Variants in RHOBTB2 observed in about 807,000 individuals in gnomAD.
RHOBTB2 encodes Rho related BTB domain containing 2, also known as rho-related BTB domain-containing protein 2.
Under a neutral mutation model 66.5 loss-of-function variants are expected in RHOBTB2, and 39 were observed. That is an observed-to-expected ratio of 0.59 (90% confidence interval 0.45 to 0.77). The LOEUF is 0.77. RHOBTB2 is among the 30% of genes least tolerant of loss of function. The pLI is 0.00. For missense variants in RHOBTB2, 755 were observed against 999.1 expected, an observed-to-expected ratio of 0.76 and a Z score of 3.29; for synonymous variants, 390 against 395.0, an observed-to-expected ratio of 0.99 and a Z score of 0.15.
Position 23,007,380 on chromosome 8 carries a change from C to A in RHOBTB2, c.1135C>A (p.Leu379Ile), listed in dbSNP as rs753753840. 6 of 1,614,066 alleles carry A rather than the reference C, an allele frequency of 3.7e-6. No individual in the cohort carries two copies. Among genetic ancestry groups the A allele is most frequent in the Non-Finnish European group, 5.1e-6 (6 of 1,179,990 alleles). The stretch of plus-strand genomic sequence containing the variant: ...CTTACGGGGCAACGGAACAGGGTAC[C>A]TACCGGGCAGGGGTCGTGTGCTGTC... ...GILRGNGTGYLPGRGRVLSSW... is the reference protein window; with the variant it reads ...GILRGNGTGYIPGRGRVLSSW... The change falls in exon 5 of 10, where the codon CTA (leucine) becomes ATA (isoleucine). Residue 379 changes from leucine (L) to isoleucine (I), a missense_variant. Around this residue, in one of 7 missense-constraint regions of RHOBTB2, gnomAD observed 247 missense variants for 238.9 expected, o/e 1.03. Transcript: ENST00000251822.
At chr8:23,010,830 G>A (rs930646522) in intron 7 of RHOBTB2, 142 bp downstream of exon 7, 8 of 956,386 alleles carry the variant, frequency 8.4e-6, no homozygotes, top group Admixed American at 7.5e-5. Flanking sequence ...ATCTGTTGAC[G>A]GGCACAGAGT....
rs1811317184 is a variant in RHOBTB2, at chr8:23,017,228, C to A, written c.1967-24C>A. ...CTTGTCCCTCTGCCTCCTTTCTAAC[C>A]AAGCTGCCTGCTCTCTGCTCCAGAA... On this transcript the variant is annotated intron_variant, in intron 9 of 9. Transcript: ENST00000251822. This position sits in a 1 kb window ranked among gnomAD's most constrained non-coding sequence, Gnocchi z 5.3. The A allele has an allele frequency of 6.2e-7, 1 of 1,612,820 alleles. No homozygotes were observed. Among genetic ancestry groups the A allele is most frequent in the African/African-American group, 1.3e-5 (1 of 74,898 alleles).
At chr8:22,985,199 G>C (rs745873170), upstream of RHOBTB2, among the ~76,000 whole-genome samples, 19 of 152,198 alleles carry the variant, frequency 1.2e-4, no homozygotes, top group Non-Finnish European at 2.6e-4. Context: ...CAGGGGGCCA[G>C]TTGCAAAATG....
At chr8:22,965,505 A>G in the RHOBTB2 span, among the ~76,000 whole-genome samples, 2 of 152,230 alleles carry the variant, frequency 1.3e-5, no homozygotes, top group African/African-American at 4.8e-5. Flanking sequence ...TAAAGTTAGA[A>G]GACTCATACT....
intron 1 of RHOBTB2, among the ~76,000 whole-genome samples, chr8:23,003,473 T>C (rs1052439928): frequency 2.0e-5 from 3 of 152,234 alleles, no homozygotes; most frequent in Non-Finnish European, 2.9e-5. Context: ...TTAGTGAACA[T>C]CACCTAGGAG....
chr8:23,006,996 A>C lies in RHOBTB2; in HGVS notation c.751A>C (p.Ser251Arg). The C allele has an allele frequency of 6.2e-7, 1 of 1,609,122 alleles. No individual in the cohort carries two copies. The highest frequency in any genetic ancestry group is 8.5e-7 in the Non-Finnish European group (1 of 1,179,482). Residue 251 changes from serine (S) to arginine (R), a missense_variant, in exon 5 of 10, where the codon AGC (serine) becomes CGC (arginine). Transcript: ENST00000251822. This position sits in a 1 kb window ranked among gnomAD's most constrained non-coding sequence, Gnocchi z 6.1. ...PIIVVPDPPS[S>R]SEECPAHLLE... ...CATCGTGGTGCCCGACCCTCCCTCC[A>C]GCAGCGAGGAGTGCCCCGCCCACCT...
the RHOBTB2 span, among the ~76,000 whole-genome samples, chr8:22,972,137 G>A: frequency 4.6e-5 from 7 of 152,184 alleles, no homozygotes; most frequent in South Asian, 4.1e-4. Flanking sequence ...CCTCTTCCTC[G>A]CATTCCGTCA....
intron 1 of RHOBTB2, among the ~76,000 whole-genome samples, chr8:22,988,199 A>C (rs1810333015): frequency 8.6e-6 from 1 of 116,538 alleles, no homozygotes; most frequent in African/African-American, 3.4e-5. Flanking sequence ...TCACTCTGTC[A>C]CCCAGGTTGG....
Position 23,004,670 on chromosome 8 carries a change from C to T in RHOBTB2, c.192+44C>T. On this transcript the variant is annotated intron_variant, in intron 2 of 9. Transcript: ENST00000251822. This position sits in a 1 kb window ranked among gnomAD's most constrained non-coding sequence, Gnocchi z 6.4. ...CTGGCTGGGGGTCCACGCCATGAGT[C>T]TGGGCTTGGGGGCTTCCTGAGGCAT... is the stretch of plus-strand genomic sequence containing the variant. The T allele has an allele frequency of 6.4e-7, 1 of 1,563,282 alleles. No individual in the cohort carries two copies. The highest frequency in any genetic ancestry group is 8.7e-7 in the Non-Finnish European group (1 of 1,151,956).
upstream of RHOBTB2, chr8:22,994,735 T>TA (rs1489311297): frequency 3.2e-6 from 3 of 925,828 alleles, no homozygotes; most frequent in Non-Finnish European, 5.1e-6. Context: ...GTTGAAGCAC[T>TA]AGACTGCAAG....
intron 2 of RHOBTB2, among the ~76,000 whole-genome samples, chr8:23,005,127 T>A (rs574700473): frequency 1.3e-5 from 2 of 152,180 alleles, no homozygotes; most frequent in African/African-American, 4.8e-5. Context: ...TCTTAGTGTC[T>A]CTTCCACCTG....
chr8:23,007,672 A>G lies in RHOBTB2; in HGVS notation c.1427A>G (p.Gln476Arg). 2 of 1,614,198 alleles carry G rather than the reference A, an allele frequency of 1.2e-6. No homozygotes were observed. The highest frequency in any genetic ancestry group is 1.1e-5 in the South Asian group (1 of 91,080). ...CTCAACAATGAGGCCTTCATGAACC[A>G]GGAGATCACCAAGGCCTTCCACGTC... ...NILNNEAFMN[Q>R]EITKAFHVRR... Residue 476 changes from glutamine (Q) to arginine (R), a missense_variant, in exon 5 of 10, where the codon CAG (glutamine) becomes CGG (arginine). This residue lies in a region of RHOBTB2 where 353 missense variants were observed against 458.2 expected (regional missense o/e 0.77). Coordinates refer to ENST00000251822, the MANE Select transcript of RHOBTB2 (RefSeq NM_015178.3).
upstream of RHOBTB2, among the ~76,000 whole-genome samples, chr8:22,995,449 T>C (rs1018298709): frequency 5.9e-5 from 9 of 152,212 alleles, no homozygotes; most frequent in Non-Finnish European, 1.3e-4. Context: ...TTGTCAAGTG[T>C]AAGAAAGTAT....
rs1810890676 is a variant in RHOBTB2, at chr8:23,004,554, C to T, written c.120C>T (p.Leu40=). ...LICARACNAT[L]TQYQLLATHV... is the part of the protein sequence containing the mutation. ...GTGCCCGCGCTTGCAATGCCACCCTCACCCAGTACCAGCTGCTGGCCACGC... is the reference window on the plus strand; with the variant it reads ...GTGCCCGCGCTTGCAATGCCACCCTTACCCAGTACCAGCTGCTGGCCACGC... Residue 40 remains leucine, a synonymous_variant, in exon 2 of 10, where the codon CTC becomes CTT. Coordinates refer to ENST00000251822, the MANE Select transcript of RHOBTB2 (RefSeq NM_015178.3). The surrounding 1 kb of genome is among the most constrained non-coding windows in gnomAD (Gnocchi z 6.4). 5 of 1,614,102 alleles carry T rather than the reference C, an allele frequency of 3.1e-6. No homozygotes were observed. The highest frequency in any genetic ancestry group is 1.3e-5 in the African/African-American group (1 of 74,960).
At chr8:23,001,289 G>A (rs1810770820) in intron 1 of RHOBTB2, among the ~76,000 whole-genome samples, 2 of 152,066 alleles carry the variant, frequency 1.3e-5, no homozygotes, top group Admixed American at 1.3e-4. Context: ...GGGAGAGTCT[G>A]GAGTCAGGGA....
chr8:22,994,305 C>T (rs892408175), intron 2 of RHOBTB2, among the ~76,000 whole-genome samples: 1 of 152,226 alleles, frequency 6.6e-6, no homozygotes, highest in Non-Finnish European at 1.5e-5. Context: ...CCACAAATGC[C>T]TGAGGCACAT....
chr8:22,997,263 ATG>A (rs1810598193), upstream of RHOBTB2, among the ~76,000 whole-genome samples: 1 of 12,724 alleles, frequency 7.9e-5, no homozygotes. Context: ...AGGAACTCTG[ATG>A]ATAAGAGGGA....
chr8:22,994,675 A>G, upstream of RHOBTB2: 1 of 1,507,558 alleles, frequency 6.6e-7, no homozygotes, highest in African/African-American at 1.4e-5. Flanking sequence ...CTCCCTTCCC[A>G]AACATTGATT....
chr8:23,006,787 T>C lies in RHOBTB2; in HGVS notation c.542T>C (p.Leu181Pro), dbSNP rs1327595293. 5 of 1,614,102 alleles carry C rather than the reference T, an allele frequency of 3.1e-6. No individual in the cohort carries two copies. In the South Asian group the frequency reaches 5.5e-5, roughly 18 times the overall value. ...AAGGGTCGGGAGGTGGCCAAGGAGC[T>C]GGGCATCCCCTACTATGAGACCAGC... ...PEKGREVAKE[L>P]GIPYYETSVV... Residue 181 changes from leucine (L) to proline (P), a missense_variant, in exon 5 of 10, where the codon CTG becomes CCG. Leu to Pro is a moderately conservative substitution (Grantham distance 98). Around this residue, in one of 7 missense-constraint regions of RHOBTB2, gnomAD observed 20 missense variants for 59.0 expected, o/e 0.34. Coordinates refer to ENST00000251822, the MANE Select transcript of RHOBTB2 (RefSeq NM_015178.3). The surrounding 1 kb of genome is among the most constrained non-coding windows in gnomAD (Gnocchi z 6.1).
Sources: gnomAD v4.1 joint callset for allele counts (sites outside exome capture counted in the v4.1 genomes callset) on GRCh38, gnomAD v4.1.1 for gene constraint, gnomAD v4.1.1 regional missense constraint, Gnocchi (gnomAD v3.1) non-coding constraint, MANE v1.5 for transcripts, NCBI Gene and HGNC (gene_info 2026-07-23, HGNC 2026-07-21) for gene names.